UNC79: variants seen among roughly 807,000 people sequenced by gnomAD.
UNC79 encodes protein unc-79 homolog.
Under a neutral mutation model 283.1 loss-of-function variants are expected in UNC79, and 37 were observed. The observed-to-expected ratio is 0.13, with a 90% CI of 0.10 to 0.17. The LOEUF (loss-of-function observed/expected upper bound fraction) is 0.17, where lower values mean the gene tolerates loss of function less well. Among genes scored for constraint, UNC79 ranks in the 10% least tolerant of loss-of-function variants. UNC79 has a pLI of 1.00. For missense variants in UNC79, 2,272 were observed against 3,211.1 expected (o/e 0.71, Z 7.07); for synonymous variants, 1,107 against 1,200.2 (o/e 0.92, Z 1.61).
chr14:93,536,763 AC>A (rs1240920133), intron 11 of UNC79, among the ~76,000 whole-genome samples: 1 of 98,552 alleles, frequency 1.0e-5, no homozygotes. Flanking sequence ...CTTAGAAGGC[AC>A]CCCCCACCCA....
intron 7 of UNC79, among the ~76,000 whole-genome samples, chr14:93,522,984 A>G (rs1165349517): frequency 1.3e-5 from 2 of 152,164 alleles, no homozygotes; most frequent in African/African-American, 4.8e-5. Context: ...TTTTTGAATT[A>G]TAATTGAATA....
chr14:93,493,897 A>AT lies in UNC79; in HGVS notation c.713-2513dup, dbSNP rs1427126465. ...CACATATATATATATATATATATAT[A>AT]TATATTTTTTTTTTTTTTTTTTTGA... is the stretch of plus-strand genomic sequence containing the variant. On this transcript the variant is annotated intron_variant, in intron 5 of 48. Coordinates refer to ENST00000555664, the Ensembl canonical transcript of UNC79. 2.6e-3 allele frequency among the ~76,000 whole-genome samples: 147 copies of AT among 57,564 alleles called. 1 individual carries two copies. The highest frequency in any genetic ancestry group is 8.5e-3 in the African/African-American group (123 of 14,474). The allele number at this position is 57,564 out of a possible 152,430, so 37.8% of individuals were successfully genotyped here.
chr14:93,413,941 G>A (rs985252188), intron 1 of UNC79, among the ~76,000 whole-genome samples: 22 of 147,646 alleles, frequency 1.5e-4, no homozygotes, highest in Admixed American at 1.4e-3. Flanking sequence ...TTTGTCAGAT[G>A]AGTAGGTTGT....
At chr14:93,703,513 G>A (rs573225955) in intron 47 of UNC79, among the ~76,000 whole-genome samples, 1 of 152,254 alleles carries the variant, frequency 6.6e-6, no homozygotes, top group East Asian at 1.9e-4. Flanking sequence ...AAGGACACCC[G>A]TTATATTGGA....
chr14:93,587,832 G>C (rs1343488165), intron 22 of UNC79, among the ~76,000 whole-genome samples: 4 of 152,182 alleles, frequency 2.6e-5, no homozygotes, highest in Non-Finnish European at 4.4e-5. Context: ...TGTGATAAAT[G>C]ACTGCTTTAT....
In UNC79 at chr14:93,559,199, G is replaced by A. The variant is rs147000596; in HGVS notation, c.1756-12695G>A. On this transcript the variant is annotated intron_variant, in intron 14 of 48. Transcript: ENST00000555664. The stretch of plus-strand genomic sequence containing the variant: ...AACAGGGAAGTGACCTACAGAAATT[G>A]GCAGTGAGGTGCAGAAACAGCTGGA... 2.0e-4 allele frequency among the ~76,000 whole-genome samples: 30 copies of A among 152,322 alleles called. No individual in the cohort carries two copies. In the East Asian group the frequency reaches 3.9e-3, roughly 20 times the overall value.
At chr14:93,412,163 C>G (rs1037495664) in intron 1 of UNC79, among the ~76,000 whole-genome samples, 42 of 152,060 alleles carry the variant, frequency 2.8e-4, no homozygotes, top group African/African-American at 9.9e-4. Context: ...GCATCAGAGT[C>G]TTTTAATAGC....
intron 1 of UNC79, among the ~76,000 whole-genome samples, chr14:93,372,086 A>G (rs2054463413): frequency 6.6e-6 from 1 of 152,238 alleles, no homozygotes; most frequent in Admixed American, 6.5e-5. Flanking sequence ...AAGGAAAATA[A>G]TATAGGACAG....
intron 47 of UNC79, among the ~76,000 whole-genome samples, chr14:93,698,472 T>G (rs2075301909): frequency 1.5e-5 from 2 of 135,060 alleles, no homozygotes; most frequent in African/African-American, 2.8e-5. Context: ...TTAGTTTAGT[T>G]TAGGTTTTTT....
At chr14:93,333,952 C>T (rs2053516973) in intron 1 of UNC79, among the ~76,000 whole-genome samples, 1 of 150,058 alleles carries the variant, frequency 6.7e-6, no homozygotes, top group South Asian at 2.2e-4. Flanking sequence ...GGCACCGTTA[C>T]ACCTCCTTTT....
rs546851945 is a variant in UNC79, at chr14:93,664,032, A to G, written c.6636+1318A>G. ...GGATATCTCCTCATAATCCCTCATA[A>G]CTTTAGTGGCCTTTTACTTCCCATT... On this transcript the variant is annotated intron_variant, in intron 40 of 48. Coordinates refer to ENST00000555664, the Ensembl canonical transcript of UNC79. Among the ~76,000 whole-genome samples the G allele has an allele frequency of 2.6e-5, 4 of 152,248 alleles. No individual in the cohort carries two copies. In the East Asian group the frequency reaches 7.7e-4, roughly 29 times the overall value.
intron 1 of UNC79, among the ~76,000 whole-genome samples, chr14:93,410,659 AG>A (rs2055316358): frequency 6.6e-6 from 1 of 152,238 alleles, no homozygotes; most frequent in South Asian, 2.1e-4. Flanking sequence ...CAAAGTAATG[AG>A]GCCCCCTTTC....
At chr14:93,402,007 G>A (rs573827456) in intron 1 of UNC79, among the ~76,000 whole-genome samples, 1 of 152,156 alleles carries the variant, frequency 6.6e-6, no homozygotes, top group East Asian at 1.9e-4. Context: ...GCCGGGTATG[G>A]TGGCTCATGC....
intron 1 of UNC79, among the ~76,000 whole-genome samples, chr14:93,419,009 T>A (rs1456614344): frequency 6.6e-6 from 1 of 151,802 alleles, no homozygotes; most frequent in African/African-American, 2.4e-5. Context: ...TTTCGGCTCA[T>A]GCACGGTGCG....
At position 93,642,342 on chromosome 14, in the gene UNC79, G is replaced by A. The variant is rs559411909; in HGVS notation, c.5903+1095G>A. Among the ~76,000 whole-genome samples the A allele has an allele frequency of 1.6e-3, 247 of 149,986 alleles. 3 individuals carry two copies. The highest frequency in any genetic ancestry group is 5.7e-3 in the African/African-American group (231 of 40,816). ...CGGGAGGCTGAGGCAGGAGAATGTC[G>A]TGAACCTGGGAGGCGGAGCTTGCAG... On this transcript the variant is annotated intron_variant, in intron 33 of 48. Transcript: ENST00000555664.
At chr14:93,554,969 G>A (rs2062088061) in intron 14 of UNC79, among the ~76,000 whole-genome samples, 1 of 152,200 alleles carries the variant, frequency 6.6e-6, no homozygotes, top group East Asian at 1.9e-4. Flanking sequence ...GCTAGGGAGT[G>A]TGTCTAATTC....
chr14:93,569,251 C>A (rs1271614477), intron 14 of UNC79, among the ~76,000 whole-genome samples: 2 of 152,086 alleles, frequency 1.3e-5, no homozygotes, highest in African/African-American at 2.4e-5. Flanking sequence ...TCCTGGCCAA[C>A]ATGGTGAAAC....
chr14:93,495,729 T>C (rs2058987034), intron 5 of UNC79, among the ~76,000 whole-genome samples: 1 of 152,158 alleles, frequency 6.6e-6, no homozygotes, highest in Admixed American at 6.5e-5. Context: ...GTGAATAAAG[T>C]GTGAACTGCT....
At chr14:93,344,735 A>G (rs1407406108) in intron 1 of UNC79, among the ~76,000 whole-genome samples, 1 of 152,222 alleles carries the variant, frequency 6.6e-6, no homozygotes, top group East Asian at 1.9e-4. Flanking sequence ...TGCTCAAATT[A>G]TTATCTGGGG....
Sources: allele counts gnomAD v4.1 joint callset (sites outside exome capture counted in the v4.1 genomes callset), GRCh38; gene constraint gnomAD v4.1.1; transcripts MANE v1.5; gene names NCBI Gene and HGNC (gene_info 2026-07-23, HGNC 2026-07-21).